The following HMGCS1 variants were observed in gnomAD, a reference collection of about 807,000 sequenced individuals.
HMGCS1 encodes the protein 3-hydroxy-3-methylglutaryl-CoA synthase 1.
A neutral mutation model predicts 52.3 loss-of-function variants in HMGCS1; 9 were observed. The observed-to-expected ratio is 0.17, with a 90% CI of 0.10 to 0.30. The LOEUF (loss-of-function observed/expected upper bound fraction) is 0.30, where lower values mean the gene tolerates loss of function less well. Among genes scored for constraint, HMGCS1 ranks in the 10% least tolerant of loss-of-function variants. The pLI is 1.00. For synonymous variants in HMGCS1, 176 were observed against 214.4 expected, an observed-to-expected ratio of 0.82 and a Z score of 1.57; for missense variants, 320 against 620.9, an observed-to-expected ratio of 0.52 and a Z score of 5.15.
In HMGCS1 at chr5:43,295,821, A is replaced by G. The variant is rs781159567; in HGVS notation, c.836T>C (p.Leu279Ser). The change falls in exon 6 of 11, where the codon TTG (leucine) becomes TCG (serine). Residue 279 changes from leucine to serine, a missense_variant. Coordinates refer to ENST00000325110, the MANE Select transcript of HMGCS1 (RefSeq NM_001098272.3). Reference protein sequence around the residue: ...KLVQKSLARMLLNDFLNDQNR... With the variant: ...KLVQKSLARMSLNDFLNDQNR... ...CTGGTCATTAAGGAAGTCATTCAGC[A>G]ACATCCGAGCTAGAGATTTCTGAAC... 2.5e-6 allele frequency: 4 copies of G among 1,613,124 alleles called. No individual in the cohort carries two copies. The Admixed American group carries it at 6.7e-5, about 27-fold the overall frequency.
At chr5:43,291,963 A>C (rs1003732177) in intron 10 of HMGCS1, among the ~76,000 whole-genome samples, 1 of 151,556 alleles carries the variant, frequency 6.6e-6, no homozygotes, top group Admixed American at 6.6e-5. Context: ...TATCATTAAT[A>C]AAACCTAGTA....
chr5:43,299,584 A>G (rs888553369), intron 2 of HMGCS1, among the ~76,000 whole-genome samples: 3 of 151,926 alleles, frequency 2.0e-5, no homozygotes, highest in Non-Finnish European at 4.4e-5. Flanking sequence ...CGGGAGGAGG[A>G]GCTTGCAGTG....
intron 9 of HMGCS1, 52 bp from the exon 10 acceptor site, chr5:43,292,689 T>C (rs1438000489): frequency 6.5e-7 from 1 of 1,547,690 alleles, no homozygotes; most frequent in Non-Finnish European, 8.9e-7. Context: ...ACAATTCATC[T>C]GGTAATAAAG....
At chr5:43,310,172 A>C (rs1271505787) in intron 1 of HMGCS1, among the ~76,000 whole-genome samples, 1 of 152,210 alleles carries the variant, frequency 6.6e-6, no homozygotes, top group Non-Finnish European at 1.5e-5. Flanking sequence ...AAACCTGTAC[A>C]CTCTGGTATA....
intron 2 of HMGCS1, among the ~76,000 whole-genome samples, chr5:43,301,940 T>A (rs766753230): frequency 9.2e-5 from 14 of 152,208 alleles, no homozygotes; most frequent in Non-Finnish European, 2.1e-4. Context: ...TGAACAGAGA[T>A]CCTCTCCACT....
chr5:43,304,174 T>C (rs1434638158), intron 2 of HMGCS1, among the ~76,000 whole-genome samples: 1 of 152,228 alleles, frequency 6.6e-6, no homozygotes, highest in Non-Finnish European at 1.5e-5. Context: ...AGAAAAAGAC[T>C]AGTCCATAGG....
intron 2 of HMGCS1, among the ~76,000 whole-genome samples, chr5:43,306,575 C>T (rs1226092416): frequency 6.6e-6 from 1 of 152,160 alleles, no homozygotes; most frequent in African/African-American, 2.4e-5. Context: ...ACATGATGCT[C>T]AAAGGAAATG....
At chr5:43,302,735 G>A (rs985149274) in intron 2 of HMGCS1, among the ~76,000 whole-genome samples, 10 of 152,174 alleles carry the variant, frequency 6.6e-5, no homozygotes, top group Non-Finnish European at 5.9e-5. Context: ...AGTAGAAGAT[G>A]GGGAATCCCT....
rs1346960122 is a variant in HMGCS1 at position 43,298,034 on chromosome 5, T to C, written c.549A>G (p.Pro183=). ...CTCGTTCAAAAATTAAAGGAGCATT[T>C]GGCCCAATTAGCAGAGCTACTGCTC... ...GVGAVALLIG[P]NAPLIFERGL... Residue 183 remains proline (P), a synonymous_variant, in exon 4 of 11, where the codon CCA becomes CCG. Coordinates refer to ENST00000325110, the MANE Select transcript of HMGCS1 (RefSeq NM_001098272.3). The surrounding 1 kb of genome is among the most constrained non-coding windows in gnomAD (Gnocchi z 5.6). The C allele has an allele frequency of 6.2e-7, 1 of 1,613,790 alleles. No individual in the cohort carries two copies. Among genetic ancestry groups the C allele is most frequent in the African/African-American group, 1.3e-5 (1 of 74,906 alleles).
chr5:43,293,440 C>T (rs1285425272), intron 8 of HMGCS1, among the ~76,000 whole-genome samples: 2 of 152,046 alleles, frequency 1.3e-5, no homozygotes, highest in Non-Finnish European at 2.9e-5. Context: ...CAGTTTATCT[C>T]TACATTTTTG....
At chr5:43,310,347 C>T (rs1381065038) in intron 1 of HMGCS1, among the ~76,000 whole-genome samples, 3 of 152,334 alleles carry the variant, frequency 2.0e-5, no homozygotes, top group Non-Finnish European at 2.9e-5. Context: ...GGGACCTGCA[C>T]TTCTACAGAG....
At position 43,291,265 on chromosome 5, in the gene HMGCS1, C is replaced by G. The variant is rs546242858; in HGVS notation, c.1474-45G>C. The G allele has an allele frequency of 1.2e-5, 14 of 1,171,284 alleles. No homozygotes were observed. The South Asian group carries it at 1.7e-4, about 14-fold the overall frequency. The allele number at this position is 1,171,284 out of a possible 1,614,324, so 72.6% of individuals were successfully genotyped here. A position where few individuals can be genotyped will look rare whatever the true frequency, so the allele number is the denominator to read the frequency against. On this transcript the variant is annotated intron_variant, in intron 10 of 10. Coordinates refer to ENST00000325110, the MANE Select transcript of HMGCS1 (RefSeq NM_001098272.3). ...GTTGATGGCTCTTATGATTCTTTCC[C>G]CCACAAGAATCATGGCACCAATTAA...
At chr5:43,295,085 G>A (rs779916814) in intron 6 of HMGCS1, among the ~76,000 whole-genome samples, 10 of 152,120 alleles carry the variant, frequency 6.6e-5, no homozygotes, top group African/African-American at 2.4e-4. Flanking sequence ...TGCTTGATTT[G>A]AATAGGTTAA....
At chr5:43,292,286 C>T (rs533768877) in intron 10 of HMGCS1, among the ~76,000 whole-genome samples, 188 bp downstream of exon 10, 5 of 152,198 alleles carry the variant, frequency 3.3e-5, no homozygotes, top group East Asian at 3.9e-4. Flanking sequence ...CCACCGCACC[C>T]GGCCTTTACT....
In HMGCS1 at chr5:43,287,511, A is replaced by G. The variant is rs1753549099; in HGVS notation, c.*3620T>C. 6.6e-6 allele frequency: 1 copy of G among 152,226 alleles called. No homozygotes were observed. Among genetic ancestry groups the G allele is most frequent in the African/African-American group, 2.4e-5 (1 of 41,456 alleles). The allele number at this position is 152,226 out of a possible 1,614,324, so 9.4% of individuals were successfully genotyped here. A position where few individuals can be genotyped will look rare whatever the true frequency, so the allele number is the denominator to read the frequency against. On this transcript the variant is annotated 3_prime_UTR_variant, in exon 11 of 11. Coordinates refer to ENST00000325110, the MANE Select transcript of HMGCS1 (RefSeq NM_001098272.3). ...TATTTGAGAAGCGATCCCAGGATGC[A>G]AGAGAGATGCACAGGAGTGAAACAA...
intron 9 of HMGCS1, 50 bp from the exon 10 acceptor site, chr5:43,292,687 T>C: frequency 6.4e-7 from 1 of 1,550,584 alleles, no homozygotes; most frequent in South Asian, 1.1e-5. Flanking sequence ...ATACAATTCA[T>C]CTGGTAATAA....
intron 6 of HMGCS1, 51 bp from the exon 7 acceptor site, chr5:43,294,912 T>C (rs745817735): frequency 5.0e-6 from 6 of 1,197,660 alleles, no homozygotes; most frequent in Middle Eastern, 2.1e-4. Context: ...ATGTTTTTAT[T>C]ACACTAAACA....
chr5:43,291,591 A>G (rs1475662415), intron 10 of HMGCS1, among the ~76,000 whole-genome samples: 1 of 152,206 alleles, frequency 6.6e-6, no homozygotes, highest in Non-Finnish European at 1.5e-5. Context: ...AAGCAGATAA[A>G]TAAGTAGTTT....
At chr5:43,300,926 GGAT>G (rs777719042) in intron 2 of HMGCS1, among the ~76,000 whole-genome samples, 26 of 151,744 alleles carry the variant, frequency 1.7e-4, no homozygotes, top group Admixed American at 4.6e-4. Context: ...TAAACATTAG[GGAT>G]GCTTAATGGG....
Sources: allele counts gnomAD v4.1 joint callset (sites outside exome capture counted in the v4.1 genomes callset), GRCh38; gene constraint gnomAD v4.1.1; non-coding constraint Gnocchi (gnomAD v3.1); transcripts MANE v1.5; gene names NCBI Gene and HGNC (gene_info 2026-07-23, HGNC 2026-07-21).